Variants in SYTL3 observed in about 807,000 individuals in gnomAD.
The protein encoded by SYTL3 is synaptotagmin-like protein 3.
Under a neutral mutation model 82.1 loss-of-function variants are expected in SYTL3, and 88 were observed. The ratio of observed to expected loss-of-function variants is 1.07; its 90% CI spans 0.90 to 1.28. SYTL3 has a LOEUF of 1.28. SYTL3 is among the 50% of genes most tolerant of loss of function. The pLI is 0.00. For synonymous variants in SYTL3, 311 were observed against 289.4 expected (o/e 1.07, Z -0.76); for missense variants, 831 against 757.6 (o/e 1.10, Z -1.14).
intron 11 of SYTL3, among the ~76,000 whole-genome samples, chr6:158,738,533 T>C (rs751839513): frequency 2.6e-5 from 4 of 152,174 alleles, no homozygotes; most frequent in Non-Finnish European, 5.9e-5. Context: ...TCCTCTCTCT[T>C]ACGCATTCAG....
intron 13 of SYTL3, 93 bp downstream of exon 13, chr6:158,752,123 T>C: frequency 1.3e-6 from 1 of 756,048 alleles, no homozygotes. Context: ...TTCAAACTCT[T>C]GACTCAGTTA....
chr6:158,729,905 A>T (rs1166770878), intron 11 of SYTL3, among the ~76,000 whole-genome samples: 1 of 151,496 alleles, frequency 6.6e-6, no homozygotes, highest in Non-Finnish European at 1.5e-5. Flanking sequence ...TTGTTAAAGG[A>T]TAATAATAAA....
At chr6:158,703,920 A>C (rs1202924429) in intron 6 of SYTL3, among the ~76,000 whole-genome samples, 2 of 150,908 alleles carry the variant, frequency 1.3e-5, no homozygotes, top group African/African-American at 2.4e-5. Context: ...GCTCACTGCA[A>C]CCTTTGCCTC....
chr6:158,753,388 T>A (rs1431089150), intron 13 of SYTL3, among the ~76,000 whole-genome samples: 1 of 151,968 alleles, frequency 6.6e-6, no homozygotes, highest in East Asian at 1.9e-4. Flanking sequence ...GGCCTAAATT[T>A]CTTATTTTCT....
chr6:158,720,933 C>T (rs183399664), intron 10 of SYTL3, among the ~76,000 whole-genome samples: 2 of 152,278 alleles, frequency 1.3e-5, no homozygotes, highest in African/African-American at 2.4e-5. Context: ...GGGCTTGTGG[C>T]GTTCTGCATG....
chr6:158,716,698 G>A (rs1783470147), intron 9 of SYTL3, among the ~76,000 whole-genome samples: 1 of 152,182 alleles, frequency 6.6e-6, no homozygotes, highest in African/African-American at 2.4e-5. Context: ...AGTGTAGGCA[G>A]GAGAGAACGA....
chr6:158,703,036 T>C (rs1024432819), intron 6 of SYTL3, among the ~76,000 whole-genome samples: 13 of 151,158 alleles, frequency 8.6e-5, no homozygotes, highest in African/African-American at 2.7e-4. Flanking sequence ...CGCCTGTAGT[T>C]CCAGCTACTT....
At chr6:158,733,338 A>G (rs949813886) in intron 11 of SYTL3, among the ~76,000 whole-genome samples, 7 of 151,116 alleles carry the variant, frequency 4.6e-5, no homozygotes, top group African/African-American at 1.7e-4. Context: ...TTTATTTTTT[A>G]TTTTTTGAGA....
intron 5 of SYTL3, among the ~76,000 whole-genome samples, chr6:158,671,295 T>C (rs11969122): frequency 0.01 from 1,529 of 152,228 alleles, 29 homozygotes; most frequent in African/African-American, 0.034. Flanking sequence ...TAAAACCTTT[T>C]TGAGAACCGG....
At chr6:158,729,776 C>T (rs1345810078) in intron 11 of SYTL3, among the ~76,000 whole-genome samples, 1 of 151,892 alleles carries the variant, frequency 6.6e-6, no homozygotes, top group Non-Finnish European at 1.5e-5. Flanking sequence ...CCGTGTTAGC[C>T]AGGATGGTCT....
At chr6:158,683,050 G>A (rs569269925) in intron 6 of SYTL3, 61 bp downstream of exon 6, 4 of 1,278,958 alleles carry the variant, frequency 3.1e-6, no homozygotes, top group Non-Finnish European at 4.5e-6. Flanking sequence ...TAAAATATTT[G>A]ATGTTAAGAC....
chr6:158,748,651 C>T (rs1242850740), intron 12 of SYTL3, among the ~76,000 whole-genome samples: 1 of 152,016 alleles, frequency 6.6e-6, no homozygotes, highest in East Asian at 1.9e-4. Flanking sequence ...TTGAGACCAG[C>T]CTGGCCAACA....
chr6:158,677,636 C>T (rs1778199678), intron 5 of SYTL3, among the ~76,000 whole-genome samples: 1 of 135,724 alleles, frequency 7.4e-6, no homozygotes, highest in Non-Finnish European at 1.5e-5. Context: ...ACCCGGGAGG[C>T]AGAGGTTGCA....
intron 17 of SYTL3, among the ~76,000 whole-genome samples, chr6:158,763,912 C>T (rs991730413): frequency 3.9e-5 from 6 of 152,214 alleles, no homozygotes; most frequent in Non-Finnish European, 5.9e-5. Flanking sequence ...AGGGCACCGC[C>T]GGCATGGTAG....
At chr6:158,648,910 G>T (rs1454620166), upstream of SYTL3, among the ~76,000 whole-genome samples, 1 of 152,186 alleles carries the variant, frequency 6.6e-6, no homozygotes, top group African/African-American at 2.4e-5. Context: ...GCTAAGAAGT[G>T]CCTATATTTA....
At chr6:158,664,997 T>C (rs1789854516) in intron 4 of SYTL3, among the ~76,000 whole-genome samples, 1 of 152,240 alleles carries the variant, frequency 6.6e-6, no homozygotes, top group South Asian at 2.1e-4. Context: ...TTCTAGATTA[T>C]TCCATGCCTT....
intron 13 of SYTL3, 149 bp from the exon 14 acceptor site, chr6:158,757,062 C>T (rs568500964): frequency 5.9e-4 from 289 of 491,856 alleles, no homozygotes; most frequent in Non-Finnish European, 9.0e-4. Context: ...AGGTCCCTGG[C>T]TGCATCCGCA....
At chr6:158,719,356 G>A (rs1411618324) in intron 10 of SYTL3, among the ~76,000 whole-genome samples, 1 of 152,162 alleles carries the variant, frequency 6.6e-6, no homozygotes, top group Non-Finnish European at 1.5e-5. Flanking sequence ...ACTGAACTCT[G>A]AGGCAGTGAT....
intron 13 of SYTL3, among the ~76,000 whole-genome samples, chr6:158,753,729 C>CAA (rs11419212): frequency 0.18 from 19,356 of 109,410 alleles, 1,758 homozygotes; most frequent in South Asian, 0.24. Flanking sequence ...GACTCCGTCT[C>CAA]AAAAAAAAAA....
Sources: gnomAD v4.1 joint callset for allele counts (sites outside exome capture counted in the v4.1 genomes callset) on GRCh38, gnomAD v4.1.1 for gene constraint, MANE v1.5 for transcripts, NCBI Gene and HGNC (gene_info 2026-07-23, HGNC 2026-07-21) for gene names.